Variants in CRKL observed in about 807,000 individuals in gnomAD.
The protein encoded by CRKL is crk-like protein.
In CRKL, 3 loss-of-function variants were observed where a neutral mutation model predicts 23.0. The observed-to-expected ratio is 0.13, with a 90% confidence interval of 0.06 to 0.34. The LOEUF (loss-of-function observed/expected upper bound fraction) is 0.34, where lower values mean the gene tolerates loss of function less well. CRKL is among the 10% of genes least tolerant of loss of function. The pLI, the probability that CRKL is intolerant of heterozygous loss-of-function variation, is 1.00. For synonymous variants in CRKL, 188 were observed against 160.7 expected (o/e 1.17, Z -1.28); for missense variants, 256 against 394.5 (o/e 0.65, Z 2.97).
intron 1 of CRKL, among the ~76,000 whole-genome samples, chr22:20,928,758 AG>A (rs1229026495): frequency 8.8e-5 from 13 of 148,538 alleles, no homozygotes; most frequent in Non-Finnish European, 1.6e-4. Flanking sequence ...GGCTGCAATG[AG>A]CCATGATTGT....
At chr22:20,924,847 A>G (rs756244534) in intron 1 of CRKL, among the ~76,000 whole-genome samples, 3 of 151,994 alleles carry the variant, frequency 2.0e-5, no homozygotes, top group Non-Finnish European at 4.4e-5. Flanking sequence ...CCAAAAAAAC[A>G]AAAAACAAGA....
In CRKL at chr22:20,951,571, A is replaced by G. The variant is rs1601688936; in HGVS notation, c.*1726A>G. The G allele has an allele frequency of 8.9e-6, 2 of 224,760 alleles. No homozygotes were observed. The highest frequency in any genetic ancestry group is 1.8e-4 in the South Asian group (1 of 5,450). The allele number at this position is 224,760 out of a possible 1,614,324, so 13.9% of individuals were successfully genotyped here. Reference sequence around the variant, plus strand: ...CTGGTAAAGAAAAGCCTCAGCTCATAGTGAACACAGCAGACCTAGAAATGT... The same window carrying G: ...CTGGTAAAGAAAAGCCTCAGCTCATGGTGAACACAGCAGACCTAGAAATGT... On this transcript the variant is annotated 3_prime_UTR_variant, in exon 3 of 3. Transcript: ENST00000354336.
At chr22:20,926,248 A>G (rs1012424076) in intron 1 of CRKL, among the ~76,000 whole-genome samples, 1 of 152,218 alleles carries the variant, frequency 6.6e-6, no homozygotes, top group Non-Finnish European at 1.5e-5. Flanking sequence ...GAGCTTAACA[A>G]TGGGAGCCAT....
chr22:20,929,900 A>G (rs1601677358), intron 1 of CRKL, among the ~76,000 whole-genome samples: 1 of 152,230 alleles, frequency 6.6e-6, no homozygotes, highest in East Asian at 1.9e-4. Flanking sequence ...TGGAAAGGCT[A>G]AGATATCTGA....
At chr22:20,920,784 A>G (rs1920984317) in intron 1 of CRKL, among the ~76,000 whole-genome samples, 1 of 151,986 alleles carries the variant, frequency 6.6e-6, no homozygotes, top group Non-Finnish European at 1.5e-5. Flanking sequence ...TGCCTTAACT[A>G]CACCTCACTC....
In CRKL at chr22:20,917,444, C is replaced by T. The variant is rs1412559372; in HGVS notation, c.-491C>T. 9 of 228,108 alleles carry T rather than the reference C, an allele frequency of 3.9e-5. 1 individual carries two copies. Among genetic ancestry groups the T allele is most frequent in the South Asian group, 1.8e-4 (1 of 5,644 alleles). The allele number at this position is 228,108 out of a possible 1,614,324, so 14.1% of individuals were successfully genotyped here. A position where few individuals can be genotyped will look rare whatever the true frequency, so the allele number is the denominator to read the frequency against. ...CGCTGAGCGGAGGGGGAGGTGGCTG[C>T]CGCTTCTCCCGCGTCCGCCATTTTG... On this transcript the variant is annotated 5_prime_UTR_variant, in exon 1 of 3. Transcript: ENST00000354336.
chr22:20,922,149 A>C (rs2147895233), intron 1 of CRKL, among the ~76,000 whole-genome samples: 1 of 150,700 alleles, frequency 6.6e-6, no homozygotes, highest in South Asian at 2.1e-4. Flanking sequence ...AGTAGCTGGG[A>C]CTGCATGGGA....
At chr22:20,921,229 T>C (rs903547183) in intron 1 of CRKL, among the ~76,000 whole-genome samples, 2 of 152,240 alleles carry the variant, frequency 1.3e-5, no homozygotes, top group African/African-American at 4.8e-5. Flanking sequence ...TTGGCTAATA[T>C]TTTGGTTTAT....
chr22:20,951,381 C>T lies in CRKL; in HGVS notation c.*1536C>T, dbSNP rs1922270067. On this transcript the variant is annotated 3_prime_UTR_variant, in exon 3 of 3. Coordinates refer to ENST00000354336, the MANE Select transcript of CRKL (RefSeq NM_005207.4). ...AGACCATTAACTAGTTTATCATTAA[C>T]CACTTATCAGTGTATTGATGTTAAA... 4.3e-6 allele frequency: 1 copy of T among 231,226 alleles called. No individual in the cohort carries two copies. Among genetic ancestry groups the T allele is most frequent in the East Asian group, 6.1e-5 (1 of 16,280 alleles). 14.3% of individuals were successfully genotyped at this position (231,226 alleles called of 1,614,324 possible).
At chr22:20,924,830 ACT>A (rs1038911603) in intron 1 of CRKL, among the ~76,000 whole-genome samples, 5 of 151,596 alleles carry the variant, frequency 3.3e-5, no homozygotes, top group Non-Finnish European at 7.4e-5. Flanking sequence ...ACAGAGTGAG[ACT>A]CTCTCCAAAA....
In CRKL at chr22:20,917,605, A is replaced by G. The variant is rs1929737346; in HGVS notation, c.-330A>G. The G allele has an allele frequency of 2.8e-6, 1 of 358,056 alleles. No individual in the cohort carries two copies. The highest frequency in any genetic ancestry group is 6.0e-5 in the South Asian group (1 of 16,752). The allele number at this position is 358,056 out of a possible 1,614,324, so 22.2% of individuals were successfully genotyped here. A position where few individuals can be genotyped will look rare whatever the true frequency, so the allele number is the denominator to read the frequency against. On this transcript the variant is annotated 5_prime_UTR_variant, in exon 1 of 3. Transcript: ENST00000354336. The stretch of plus-strand genomic sequence containing the variant: ...CGGCGCCGGCGCGTTCCAGGCCGGG[A>G]GTCACTGGAGGCACCCCTGGGACGC...
chr22:20,918,222 C>T lies in CRKL; in HGVS notation c.288C>T (p.Thr96=), dbSNP rs772265051. The T allele has an allele frequency of 1.2e-6, 2 of 1,613,896 alleles. No individual in the cohort carries two copies. Residue 96 remains threonine, a synonymous_variant, in exon 1 of 3, where the codon ACC becomes ACT. Transcript: ENST00000354336. ...ACAAGATCCACTACCTGGACACCAC[C>T]ACCCTCATCGAGCCTGCGCCCAGGT... ...EFYKIHYLDT[T]TLIEPAPRYP... is the part of the protein sequence containing the mutation.
At chr22:20,934,364 G>A (rs1921573747) in intron 2 of CRKL, 120 bp downstream of exon 2, 11 of 892,244 alleles carry the variant, frequency 1.2e-5, no homozygotes, top group Non-Finnish European at 1.8e-5. Context: ...GGATGATTTT[G>A]GAAGATACGC....
intron 2 of CRKL, among the ~76,000 whole-genome samples, chr22:20,937,430 C>T (rs770445841): frequency 6.7e-6 from 1 of 149,252 alleles, no homozygotes; most frequent in Admixed American, 6.8e-5. Flanking sequence ...GCCTGTTGAC[C>T]TCTGGCTCTA....
At chr22:20,940,804 A>G (rs1251599092) in intron 2 of CRKL, among the ~76,000 whole-genome samples, 3 of 151,906 alleles carry the variant, frequency 2.0e-5, no homozygotes, top group Admixed American at 6.6e-5. Context: ...CCATGGTACA[A>G]CTTCCTTTAC....
chr22:20,939,327 G>T (rs1430202835), intron 2 of CRKL, among the ~76,000 whole-genome samples: 11 of 133,092 alleles, frequency 8.3e-5, no homozygotes, highest in Non-Finnish European at 1.2e-4. Flanking sequence ...TGCAAGCTCC[G>T]CCTCCCGGGT....
intron 1 of CRKL, among the ~76,000 whole-genome samples, chr22:20,927,943 C>G (rs1010261467): frequency 9.9e-5 from 15 of 150,776 alleles, no homozygotes; most frequent in Non-Finnish European, 1.5e-5. Flanking sequence ...AGGCAGATCA[C>G]TTGAGGTCAG....
chr22:20,946,528 A>G (rs1437701140), intron 2 of CRKL, among the ~76,000 whole-genome samples: 1 of 152,080 alleles, frequency 6.6e-6, no homozygotes, highest in Non-Finnish European at 1.5e-5. Flanking sequence ...AATAAGGATG[A>G]TGCATTAGGT....
chr22:20,923,271 T>TA (rs869293751), intron 1 of CRKL, among the ~76,000 whole-genome samples: 30 of 150,390 alleles, frequency 2.0e-4, no homozygotes, highest in South Asian at 4.2e-4. Context: ...TACTGGTTAC[T>TA]AAAAAAAAAA....
Sources: allele counts gnomAD v4.1 joint callset (sites outside exome capture counted in the v4.1 genomes callset), GRCh38; gene constraint gnomAD v4.1.1; transcripts MANE v1.5; gene names NCBI Gene and HGNC (gene_info 2026-07-23, HGNC 2026-07-21).